HERC4: variants seen among roughly 807,000 people sequenced by gnomAD.
HERC4 encodes probable E3 ubiquitin-protein ligase HERC4.
HERC4 carries 28 observed loss-of-function variants against 124.3 expected under a neutral mutation model. The observed-to-expected ratio is 0.23, with a 90% confidence interval of 0.17 to 0.31. The LOEUF (loss-of-function observed/expected upper bound fraction) is 0.31. Ranked by LOEUF, HERC4 falls within the 10% of genes least tolerant of loss-of-function variation. The probability of loss-of-function intolerance (pLI) is 1.00; values close to 1 mark genes in which losing one functional copy is unlikely to be tolerated. For synonymous variants in HERC4, 407 were observed against 421.5 expected (o/e 0.97, Z 0.42); for missense variants, 713 against 1,229.3 (o/e 0.58, Z 6.28).
rs185628170 is a variant in HERC4 at position 68,059,303 on chromosome 10, T to A, written c.226+13580A>T. Among the ~76,000 whole-genome samples the A allele has an allele frequency of 1.3e-3, 196 of 150,990 alleles. 1 individual carries two copies. The highest frequency in any genetic ancestry group is 4.8e-3 in the South Asian group (23 of 4,816). On this transcript the variant is annotated intron_variant, in intron 3 of 24. Transcript: ENST00000373700. The stretch of plus-strand genomic sequence containing the variant: ...AAATTGACGGGTTGATGTGGTTGAG[T>A]GTCCCTATCCATAAATGTGGTTTTC...
chr10:68,014,429 A>C (rs1438558490), intron 8 of HERC4, among the ~76,000 whole-genome samples: 2 of 152,196 alleles, frequency 1.3e-5, no homozygotes, highest in African/African-American at 2.4e-5. Context: ...TTTAAATTTT[A>C]AACAGCCTGG....
Position 67,990,897 on chromosome 10 carries a change from A to C in HERC4, c.1443+7T>G. The stretch of plus-strand genomic sequence containing the variant: ...AATACTGTAAACATAATACTTTAAA[A>C]ACAGACCTGCTGAGATATCTGCGGA... On this transcript the variant is annotated splice_region_variant and intron_variant, in intron 13 of 24. Transcript: ENST00000373700. 6.4e-7 allele frequency: 1 copy of C among 1,556,014 alleles called. No individual in the cohort carries two copies. Among genetic ancestry groups the C allele is most frequent in the Non-Finnish European group, 8.8e-7 (1 of 1,137,980 alleles).
chr10:67,956,008 T>C (rs1217043031), intron 17 of HERC4: 1 of 152,166 alleles, frequency 6.6e-6, no homozygotes, highest in Non-Finnish European at 1.5e-5. Flanking sequence ...CTCCAAAAAA[T>C]TGGCTTACTA....
chr10:68,002,980 A>G (rs191552586), intron 9 of HERC4, among the ~76,000 whole-genome samples: 265 of 152,252 alleles, frequency 1.7e-3, no homozygotes, highest in Non-Finnish European at 3.2e-3. Context: ...CATACAGTGT[A>G]TAAAAATCAC....
intron 19 of HERC4, among the ~76,000 whole-genome samples, chr10:67,942,451 T>G (rs1384243325): frequency 1.3e-5 from 2 of 152,214 alleles, no homozygotes; most frequent in African/African-American, 2.4e-5. Context: ...GAAGAATTCA[T>G]AAGTCAAAAG....
intron 3 of HERC4, among the ~76,000 whole-genome samples, chr10:68,072,049 G>T (rs1036595315): frequency 5.3e-5 from 8 of 152,126 alleles, no homozygotes; most frequent in Admixed American, 2.0e-4. Flanking sequence ...AGAAAATACT[G>T]AAGTGCCATT....
rs2040840363 is a variant in HERC4 at position 68,059,721 on chromosome 10, T to TATATTATATATTATA, written c.226+13161_226+13162insTATAATATATAATAT. ...TATAATATTATATATCATAATATTA[T>TATATTATATATTATA]ATATTATATATCATAATATTATATA... On this transcript the variant is annotated intron_variant, in intron 3 of 24. Coordinates refer to ENST00000373700, the MANE Select transcript of HERC4 (RefSeq NM_015601.4). Among the ~76,000 whole-genome samples, 2 of 42,324 alleles carry TATATTATATATTATA rather than the reference T, an allele frequency of 4.7e-5. 1 individual carries two copies. The highest frequency in any genetic ancestry group is 6.0e-5 in the Non-Finnish European group (2 of 33,332). 27.8% of individuals were successfully genotyped at this position (42,324 alleles called of 152,430 possible).
At chr10:68,059,514 TATATCATAATA>T (rs1589445201) in intron 3 of HERC4, among the ~76,000 whole-genome samples, 11 of 118,754 alleles carry the variant, frequency 9.3e-5, no homozygotes, top group Admixed American at 2.3e-4. Context: ...TATAATATTA[TATATCATAATA>T]ATATTATATA....
intron 19 of HERC4, among the ~76,000 whole-genome samples, chr10:67,942,143 T>A (rs1210343242): frequency 6.6e-6 from 1 of 152,190 alleles, no homozygotes; most frequent in African/African-American, 2.4e-5. Flanking sequence ...ATTGTGAGCA[T>A]GATGGTTAAA....
At chr10:67,941,872 T>A (rs914883140) in intron 19 of HERC4, among the ~76,000 whole-genome samples, 1 of 152,020 alleles carries the variant, frequency 6.6e-6, no homozygotes, top group Non-Finnish European at 1.5e-5. Flanking sequence ...GTCAGGCTGA[T>A]CTCAAACTCC....
intron 5 of HERC4, among the ~76,000 whole-genome samples, chr10:68,035,649 G>A (rs2039421606): frequency 6.6e-6 from 1 of 152,172 alleles, no homozygotes; most frequent in Non-Finnish European, 1.5e-5. Flanking sequence ...CCTATAAGGT[G>A]CTGTATGATC....
chr10:68,015,833 T>C (rs911745137), intron 8 of HERC4, among the ~76,000 whole-genome samples: 1 of 152,220 alleles, frequency 6.6e-6, no homozygotes, highest in Non-Finnish European at 1.5e-5. Context: ...CCAGGCATGG[T>C]GGCTCAGGCC....
rs902609176 is a variant in HERC4, at chr10:67,954,858, A to G, written c.2193+105T>C. 2.5e-6 allele frequency: 3 copies of G among 1,209,450 alleles called. No homozygotes were observed. The East Asian group carries it at 8.8e-5, about 36-fold the overall frequency. The allele number at this position is 1,209,450 out of a possible 1,614,324, so 74.9% of individuals were successfully genotyped here. A position where few individuals can be genotyped will look rare whatever the true frequency, so the allele number is the denominator to read the frequency against. On this transcript the variant is annotated intron_variant, in intron 18 of 24. Coordinates refer to ENST00000373700, the MANE Select transcript of HERC4 (RefSeq NM_015601.4). ...CAATTAATAGTTTAAAATAAATATAATTTTATTTATTAAGTTTAAAAGATT... is the reference window on the plus strand; with the variant it reads ...CAATTAATAGTTTAAAATAAATATAGTTTTATTTATTAAGTTTAAAAGATT...
At chr10:68,053,183 A>C (rs1421967707) in intron 3 of HERC4, among the ~76,000 whole-genome samples, 5 of 152,218 alleles carry the variant, frequency 3.3e-5, no homozygotes, top group African/African-American at 1.2e-4. Context: ...GCCCCCGAAG[A>C]AAATACAAGG....
At chr10:67,973,672 G>A (rs2035388588) in intron 15 of HERC4, among the ~76,000 whole-genome samples, 1 of 152,172 alleles carries the variant, frequency 6.6e-6, no homozygotes, top group African/African-American at 2.4e-5. Context: ...TAAGAATTCA[G>A]AGGTCATGGC....
intron 15 of HERC4, among the ~76,000 whole-genome samples, chr10:67,976,020 C>T (rs1307287051): frequency 6.6e-6 from 1 of 151,824 alleles, no homozygotes; most frequent in African/African-American, 2.4e-5. Flanking sequence ...AGGTCAAATG[C>T]TACCCACTGT....
chr10:68,035,236 T>C (rs1213511371), intron 5 of HERC4, among the ~76,000 whole-genome samples: 1 of 151,040 alleles, frequency 6.6e-6, no homozygotes, highest in Non-Finnish European at 1.5e-5. Context: ...CATTGCAACC[T>C]CCATCTCCCG....
chr10:68,028,656 AC>A (rs1393940358), intron 7 of HERC4, among the ~76,000 whole-genome samples: 1 of 152,234 alleles, frequency 6.6e-6, no homozygotes, highest in Non-Finnish European at 1.5e-5. Flanking sequence ...CAAAACAAAA[AC>A]AAAAACAAAA....
chr10:68,031,322 C>T (rs1207150106), intron 7 of HERC4, among the ~76,000 whole-genome samples: 2 of 152,100 alleles, frequency 1.3e-5, no homozygotes, highest in Non-Finnish European at 2.9e-5. Flanking sequence ...TGGAATGACA[C>T]CACACATGAT....
Sources: gnomAD v4.1 joint callset for allele counts (sites outside exome capture counted in the v4.1 genomes callset) on GRCh38, gnomAD v4.1.1 for gene constraint, MANE v1.5 for transcripts, NCBI Gene and HGNC (gene_info 2026-07-23, HGNC 2026-07-21) for gene names.